INPP4B: variants seen among roughly 807,000 people sequenced by gnomAD.
INPP4B encodes inositol polyphosphate-4-phosphatase type II B.
INPP4B carries 55 observed loss-of-function variants against 122.5 expected under a neutral mutation model. That is an observed-to-expected ratio of 0.45 (90% CI 0.36 to 0.56). The LOEUF (loss-of-function observed/expected upper bound fraction) is 0.56. Among genes scored for constraint, INPP4B ranks in the 20% least tolerant of loss-of-function variants. INPP4B has a pLI of 0.00. For synonymous variants in INPP4B, 403 were observed against 388.7 expected, an observed-to-expected ratio of 1.04 and a Z score of -0.43; for missense variants, 1,000 against 1,097.7, an observed-to-expected ratio of 0.91 and a Z score of 1.26.
At chr4:142,078,136 C>T (rs1039263463) in intron 25 of INPP4B, among the ~76,000 whole-genome samples, 51 of 151,544 alleles carry the variant, frequency 3.4e-4, no homozygotes, top group African/African-American at 1.1e-3. Flanking sequence ...AGATGGTACC[C>T]GAAAGCCCCA....
intron 9 of INPP4B, among the ~76,000 whole-genome samples, chr4:142,299,729 A>C (rs948094501): frequency 2.6e-5 from 4 of 152,060 alleles, no homozygotes; most frequent in Non-Finnish European, 5.9e-5. Flanking sequence ...TTAATATACA[A>C]AATATTTTAG....
At chr4:142,225,610 A>G (rs1389290202) in intron 12 of INPP4B, among the ~76,000 whole-genome samples, 1 of 151,144 alleles carries the variant, frequency 6.6e-6, no homozygotes, top group East Asian at 1.9e-4. Flanking sequence ...GAATATTTGT[A>G]TCCTTTCCTC....
chr4:142,114,892 C>A (rs1181525125), intron 21 of INPP4B, among the ~76,000 whole-genome samples: 1 of 151,850 alleles, frequency 6.6e-6, no homozygotes, highest in African/African-American at 2.4e-5. Context: ...AAACCCATCA[C>A]AAAGAAGATA....
intron 2 of INPP4B, among the ~76,000 whole-genome samples, chr4:142,611,734 T>C (rs1742585260): frequency 1.4e-5 from 2 of 146,862 alleles, no homozygotes. Context: ...GGTGGTGTGA[T>C]CTCGGCTCAC....
At chr4:142,043,430 T>C (rs974519116) in intron 25 of INPP4B, among the ~76,000 whole-genome samples, 10 of 152,296 alleles carry the variant, frequency 6.6e-5, no homozygotes, top group Admixed American at 3.3e-4. Flanking sequence ...TCATTTCTTC[T>C]ACAAAGATTC....
chr4:142,686,216 T>C (rs1201697467), intron 2 of INPP4B, among the ~76,000 whole-genome samples: 2 of 151,970 alleles, frequency 1.3e-5, no homozygotes, highest in Non-Finnish European at 2.9e-5. Context: ...AGGCCTCAAA[T>C]AACAAAAAGT....
At chr4:142,472,476 T>C (rs113348582) in intron 2 of INPP4B, among the ~76,000 whole-genome samples, 1 of 152,338 alleles carries the variant, frequency 6.6e-6, no homozygotes, top group African/African-American at 2.4e-5. Flanking sequence ...CTTGATTATA[T>C]GACTGTTAAA....
intron 25 of INPP4B, among the ~76,000 whole-genome samples, chr4:142,067,348 T>C (rs1306798248): frequency 5.3e-5 from 8 of 151,944 alleles, no homozygotes; most frequent in South Asian, 2.1e-4. Flanking sequence ...AGACCAAAGG[T>C]AGATAAAACC....
At chr4:142,692,295 G>A (rs1466202460) in intron 2 of INPP4B, among the ~76,000 whole-genome samples, 2 of 152,008 alleles carry the variant, frequency 1.3e-5, no homozygotes, top group Non-Finnish European at 2.9e-5. Flanking sequence ...AAATATTGAG[G>A]ATAAAAAAAT....
At chr4:142,562,524 T>C (rs1248041807) in intron 2 of INPP4B, among the ~76,000 whole-genome samples, 1 of 152,174 alleles carries the variant, frequency 6.6e-6, no homozygotes, top group East Asian at 1.9e-4. Flanking sequence ...CAGGATTGGA[T>C]GCCAAGCTTC....
intron 25 of INPP4B, among the ~76,000 whole-genome samples, chr4:142,041,189 T>A (rs925179335): frequency 6.6e-6 from 1 of 152,184 alleles, no homozygotes; most frequent in African/African-American, 2.4e-5. Context: ...CATCTCCCTA[T>A]TATCTAACTC....
intron 11 of INPP4B, among the ~76,000 whole-genome samples, chr4:142,241,023 G>A (rs1400012609): frequency 6.6e-6 from 1 of 152,004 alleles, no homozygotes; most frequent in East Asian, 1.9e-4. Flanking sequence ...CTTCTCTATA[G>A]CATACACACT....
At chr4:142,552,585 T>A (rs1464853170) in intron 2 of INPP4B, among the ~76,000 whole-genome samples, 2 of 152,172 alleles carry the variant, frequency 1.3e-5, no homozygotes, top group African/African-American at 4.8e-5. Context: ...AACCTAAGAA[T>A]ATTCTTGGAA....
At chr4:142,331,803 A>C (rs991177566) in intron 7 of INPP4B, among the ~76,000 whole-genome samples, 2 of 151,256 alleles carry the variant, frequency 1.3e-5, no homozygotes, top group South Asian at 4.2e-4. Flanking sequence ...AATGCTTCAA[A>C]ATTTTCTCTA....
intron 25 of INPP4B, among the ~76,000 whole-genome samples, chr4:142,066,342 C>A (rs1763486753): frequency 6.6e-6 from 1 of 152,022 alleles, no homozygotes; most frequent in Admixed American, 6.6e-5. Flanking sequence ...AATTGTATCT[C>A]AAAAAAGATG....
chr4:142,139,332 A>G (rs562828186), intron 18 of INPP4B, among the ~76,000 whole-genome samples: 2 of 152,196 alleles, frequency 1.3e-5, no homozygotes, highest in South Asian at 4.1e-4. Flanking sequence ...TTTTAGAGAT[A>G]GAGTCTCACT....
intron 7 of INPP4B, among the ~76,000 whole-genome samples, chr4:142,392,384 A>G (rs1797995601): frequency 2.6e-5 from 4 of 152,192 alleles, no homozygotes; most frequent in Non-Finnish European, 5.9e-5. Context: ...ATGTGCACTT[A>G]TGGCATATAC....
intron 2 of INPP4B, among the ~76,000 whole-genome samples, chr4:142,627,178 T>C (rs1746641933): frequency 1.3e-5 from 2 of 152,276 alleles, no homozygotes; most frequent in African/African-American, 2.4e-5. Flanking sequence ...TTTATAGATA[T>C]ACAATCATGT....
rs560698635 is a variant in INPP4B at position 142,772,147 on chromosome 4, A to C, written c.-253-46246T>G. 3.3e-5 allele frequency among the ~76,000 whole-genome samples: 5 copies of C among 152,262 alleles called. 1 individual carries two copies. The South Asian group carries it at 1.0e-3, about 32-fold the overall frequency. On this transcript the variant is annotated intron_variant, in intron 1 of 25. Transcript: ENST00000262992. ...TCCAGGTTGGAGATAAAAATTTGTGAGTCATCAGGGAATAGATGGTTTTGA... is the reference window on the plus strand; with the variant it reads ...TCCAGGTTGGAGATAAAAATTTGTGCGTCATCAGGGAATAGATGGTTTTGA...
Sources: gnomAD v4.1 joint callset for allele counts (sites outside exome capture counted in the v4.1 genomes callset) on GRCh38, gnomAD v4.1.1 for gene constraint, MANE v1.5 for transcripts, NCBI Gene and HGNC (gene_info 2026-07-23, HGNC 2026-07-21) for gene names.